SH3BP4: variants seen among roughly 807,000 people sequenced by gnomAD.
The protein encoded by SH3BP4 is SH3 domain-binding protein 4.
Under a neutral mutation model 65.5 loss-of-function variants are expected in SH3BP4, and 33 were observed. That is an observed-to-expected ratio of 0.50 (90% CI 0.38 to 0.67). The LOEUF (loss-of-function observed/expected upper bound fraction) is 0.67. Ranked by LOEUF, SH3BP4 falls within the 30% of genes least tolerant of loss-of-function variation. The pLI is 0.00. For synonymous variants in SH3BP4, 552 were observed against 545.5 expected (o/e 1.01, Z -0.17); for missense variants, 1,134 against 1,261.4 (o/e 0.90, Z 1.53).
intron 1 of SH3BP4, among the ~76,000 whole-genome samples, chr2:234,965,117 A>G (rs1206432485): frequency 6.6e-6 from 1 of 152,214 alleles, no homozygotes; most frequent in East Asian, 1.9e-4. Context: ...ACCCAAAACA[A>G]CACTTCAGAA....
chr2:234,981,840 G>A (rs1409261113), intron 1 of SH3BP4: 1 of 152,184 alleles, frequency 6.6e-6, no homozygotes, highest in Admixed American at 6.5e-5. Flanking sequence ...CTTGTTGATA[G>A]TTAGCAAGAA....
chr2:234,986,385 T>C (rs1451998893), intron 1 of SH3BP4, among the ~76,000 whole-genome samples: 1 of 152,250 alleles, frequency 6.6e-6, no homozygotes, highest in South Asian at 2.1e-4. Context: ...CAAAACTCTT[T>C]CAAGACTCCG....
chr2:234,957,738 C>T (rs572179902), intron 1 of SH3BP4, among the ~76,000 whole-genome samples: 25 of 152,052 alleles, frequency 1.6e-4, no homozygotes, highest in Middle Eastern at 3.4e-3. Context: ...TGTATATCCA[C>T]GTTGAACACC....
chr2:234,982,352 G>A (rs189790196), intron 1 of SH3BP4, among the ~76,000 whole-genome samples: 236 of 152,284 alleles, frequency 1.5e-3, no homozygotes, highest in Non-Finnish European at 2.6e-3. Flanking sequence ...TGCTGGGCTG[G>A]GGTCGTGTGC....
Position 235,034,174 on chromosome 2 carries a change from G to C in SH3BP4, c.-132-697G>C, listed in dbSNP as rs921259470. On this transcript the variant is annotated intron_variant, in intron 2 of 5. Transcript: ENST00000392011. This position sits in a 1 kb window ranked among gnomAD's most constrained non-coding sequence, Gnocchi z 6.2. ...CTGTGCGCCCTTCCAGAAAAAAAAA[G>C]CAGAGGCCTTAGGGGTGATTCTTGT... is the stretch of plus-strand genomic sequence containing the variant. Among the ~76,000 whole-genome samples the C allele has an allele frequency of 2.0e-5, 3 of 152,072 alleles. No homozygotes were observed. The highest frequency in any genetic ancestry group is 2.9e-5 in the Non-Finnish European group (2 of 68,012).
intron 1 of SH3BP4, among the ~76,000 whole-genome samples, chr2:234,963,162 C>CAGT (rs1692754846): frequency 6.6e-6 from 1 of 152,154 alleles, no homozygotes; most frequent in Non-Finnish European, 1.5e-5. Context: ...GGTACAGGTA[C>CAGT]AGTACCCTGT....
At chr2:235,017,053 T>G (rs901718805) in intron 2 of SH3BP4, among the ~76,000 whole-genome samples, 5 of 149,422 alleles carry the variant, frequency 3.3e-5, no homozygotes, top group African/African-American at 1.2e-4. Flanking sequence ...TTCTTTTTTT[T>G]TTTTTTTTTT....
At chr2:235,021,188 A>G (rs992582986) in intron 2 of SH3BP4, among the ~76,000 whole-genome samples, 1 of 152,166 alleles carries the variant, frequency 6.6e-6, no homozygotes, top group Non-Finnish European at 1.5e-5. Context: ...ACCCAACCAC[A>G]TTTGTGGAAG....
chr2:234,985,738 C>T (rs1318520983), intron 1 of SH3BP4, among the ~76,000 whole-genome samples: 1 of 152,166 alleles, frequency 6.6e-6, no homozygotes, highest in Non-Finnish European at 1.5e-5. Context: ...GGACTGTGCG[C>T]AGGTGAACCA....
intron 3 of SH3BP4, among the ~76,000 whole-genome samples, chr2:235,039,735 C>T (rs567512472): frequency 4.0e-4 from 61 of 152,138 alleles, no homozygotes; most frequent in Admixed American, 7.9e-4. Context: ...CTTATTTTTG[C>T]TGTTTCATTT....
At chr2:234,985,665 G>C (rs1035147804) in intron 1 of SH3BP4, among the ~76,000 whole-genome samples, 1 of 152,186 alleles carries the variant, frequency 6.6e-6, no homozygotes, top group Non-Finnish European at 1.5e-5. Flanking sequence ...CTGTCTGTTT[G>C]TAGCATCCTC....
intron 1 of SH3BP4, among the ~76,000 whole-genome samples, chr2:234,972,815 A>G (rs1160172987): frequency 6.6e-6 from 1 of 152,206 alleles, no homozygotes; most frequent in Non-Finnish European, 1.5e-5. Flanking sequence ...TTCTGAACAG[A>G]CTGCAGAGAG....
In SH3BP4 at chr2:234,972,722, T is replaced by TA. The variant is rs766292413; in HGVS notation, c.-207+20561dup. On this transcript the variant is annotated intron_variant, in intron 1 of 5. Coordinates refer to ENST00000392011, the MANE Select transcript of SH3BP4 (RefSeq NM_014521.3). ...GCCTGGGTACAGAGCAAGACCTTGT[T>TA]AAAAAAAAATAAATAAAGCTCAAGT... Among the ~76,000 whole-genome samples the TA allele has an allele frequency of 4.6e-5, 7 of 151,580 alleles. No individual in the cohort carries two copies. In the South Asian group the frequency reaches 6.3e-4, roughly 14 times the overall value.
intron 3 of SH3BP4, among the ~76,000 whole-genome samples, chr2:235,038,004 C>T (rs965219892): frequency 1.1e-4 from 17 of 151,584 alleles, no homozygotes; most frequent in African/African-American, 3.6e-4. Context: ...GTGTCGTTTA[C>T]GCATGCACGA....
chr2:235,019,840 G>C (rs1159395830), intron 2 of SH3BP4, among the ~76,000 whole-genome samples: 2 of 140,552 alleles, frequency 1.4e-5, no homozygotes, highest in African/African-American at 5.6e-5. Flanking sequence ...GAGATCTGAG[G>C]CCAGAGTTCC....
chr2:235,043,860 G>T (rs976421193), intron 4 of SH3BP4, among the ~76,000 whole-genome samples: 1 of 152,288 alleles, frequency 6.6e-6, no homozygotes, highest in Admixed American at 6.5e-5. Context: ...TGGAGATGGG[G>T]TTTACGGGGG....
At chr2:235,012,782 C>T (rs970696156) in intron 2 of SH3BP4, among the ~76,000 whole-genome samples, 17 of 152,216 alleles carry the variant, frequency 1.1e-4, no homozygotes, top group African/African-American at 4.1e-4. Flanking sequence ...CCAACTCATG[C>T]CGTGCCATTG....
At chr2:235,027,879 T>C (rs115429801) in intron 2 of SH3BP4, among the ~76,000 whole-genome samples, 1,843 of 152,308 alleles carry the variant, frequency 0.012, 39 homozygotes, top group African/African-American at 0.042. Flanking sequence ...GATTGGTTTG[T>C]TCTCTAATTG....
In SH3BP4 at chr2:235,052,585, G is replaced by A. The variant is rs1381832091; in HGVS notation, c.2502G>A (p.Gln834=). The A allele has an allele frequency of 2.6e-6, 4 of 1,551,560 alleles. No homozygotes were observed. Among genetic ancestry groups the A allele is most frequent in the Non-Finnish European group, 3.5e-6 (4 of 1,147,188 alleles). ...LVMALLKMDC[Q]GLVVRLIQDF... ...AGGCCCTACTGAAGATGGACTGCCA[G>A]GGCCTGGTGGTCAGACTCATCCAGG... Residue 834 remains glutamine, a synonymous_variant, in exon 5 of 6, where the codon CAG becomes CAA. Coordinates refer to ENST00000392011, the MANE Select transcript of SH3BP4 (RefSeq NM_014521.3). The surrounding 1 kb of genome is among the most constrained non-coding windows in gnomAD (Gnocchi z 5.0).
Sources: allele counts gnomAD v4.1 joint callset (sites outside exome capture counted in the v4.1 genomes callset), GRCh38; gene constraint gnomAD v4.1.1; non-coding constraint Gnocchi (gnomAD v3.1); transcripts MANE v1.5; gene names NCBI Gene and HGNC (gene_info 2026-07-23, HGNC 2026-07-21).